CNTN5: variants seen among roughly 807,000 people sequenced by gnomAD.
The protein encoded by CNTN5 is contactin 5, also known as contactin-5.
In CNTN5, 77 loss-of-function variants were observed where a neutral mutation model predicts 129.1. The observed-to-expected ratio is 0.60, with a 90% confidence interval of 0.50 to 0.72. The LOEUF is 0.72. Among genes scored for constraint, CNTN5 ranks in the 30% least tolerant of loss-of-function variants. The probability of loss-of-function intolerance (pLI) is 0.00; values close to 1 mark genes in which losing one functional copy is unlikely to be tolerated. For synonymous variants in CNTN5, 509 were observed against 465.6 expected, an observed-to-expected ratio of 1.09 and a Z score of -1.20; for missense variants, 1,478 against 1,328.8, an observed-to-expected ratio of 1.11 and a Z score of -1.75.
chr11:100,042,116 C>T (rs1942412034), intron 9 of CNTN5, among the ~76,000 whole-genome samples: 1 of 152,136 alleles, frequency 6.6e-6, no homozygotes, highest in Admixed American at 6.6e-5. Context: ...GCACTCACTG[C>T]CCCTGAAGGT....
intron 8 of CNTN5, among the ~76,000 whole-genome samples, chr11:99,995,379 T>C (rs935802220): frequency 2.0e-5 from 3 of 152,004 alleles, no homozygotes; most frequent in Admixed American, 6.6e-5. Flanking sequence ...TTCTGTCTTA[T>C]GTGAGATTAA....
At chr11:99,248,603 A>G (rs1040681970) in intron 1 of CNTN5, among the ~76,000 whole-genome samples, 22 of 152,132 alleles carry the variant, frequency 1.4e-4, no homozygotes, top group African/African-American at 5.1e-4. Context: ...TAGGTCTAAC[A>G]TTTAAGTTTT....
In CNTN5 at chr11:99,670,044, A is replaced by G. The variant is rs907824433; in HGVS notation, c.55+113775A>G. Among the ~76,000 whole-genome samples, 3 of 151,982 alleles carry G rather than the reference A, an allele frequency of 2.0e-5. No individual in the cohort carries two copies. In the East Asian group the frequency reaches 5.8e-4, roughly 29 times the overall value. ...TATGTGCCATGTTGGTGAAAATTAG[A>G]CTCTTTAAATAGAATTTTATTAATG... On this transcript the variant is annotated intron_variant, in intron 3 of 24. Coordinates refer to ENST00000524871, the MANE Select transcript of CNTN5 (RefSeq NM_014361.4).
intron 1 of CNTN5, among the ~76,000 whole-genome samples, chr11:99,164,320 C>T (rs1336429106): frequency 2.5e-5 from 3 of 118,178 alleles, no homozygotes; most frequent in Non-Finnish European, 3.4e-5. Context: ...AACACTCCAT[C>T]TCAAAAAAAA....
chr11:99,253,470 C>A lies in CNTN5; in HGVS notation c.-209-71876C>A, dbSNP rs547778888. Among the ~76,000 whole-genome samples, 3 of 152,024 alleles carry A rather than the reference C, an allele frequency of 2.0e-5. No homozygotes were observed. In the East Asian group the frequency reaches 5.8e-4, roughly 29 times the overall value. On this transcript the variant is annotated intron_variant, in intron 1 of 24. Transcript: ENST00000524871. Reference sequence around the variant, plus strand: ...TTGTAATAAATTTGTATACCTTGTTCTTTTTTAAGAGTGTTTGACTCTTAA... The same window carrying A: ...TTGTAATAAATTTGTATACCTTGTTATTTTTTAAGAGTGTTTGACTCTTAA...
chr11:99,753,119 C>CTTTTTTTTTTT lies in CNTN5; in HGVS notation c.56-66414_56-66404dup, dbSNP rs375324214. On this transcript the variant is annotated intron_variant, in intron 3 of 24. Transcript: ENST00000524871. Reference sequence around the variant, plus strand: ...TTTATAACATTTTAAGCCATATTTGCTTTTTTTTTTTTTTTTTTTTTGAGA... The same window carrying CTTTTTTTTTTT: ...TTTATAACATTTTAAGCCATATTTGCTTTTTTTTTTTTTTTTTTTTTTTTTTTTTTTTGAGA... Among the ~76,000 whole-genome samples, 60 of 93,072 alleles carry CTTTTTTTTTTT rather than the reference C, an allele frequency of 6.4e-4. 3 individuals are homozygous for CTTTTTTTTTTT. The highest frequency in any genetic ancestry group is 3.0e-3 in the East Asian group (8 of 2,694). The allele number at this position is 93,072 out of a possible 152,430, so 61.1% of individuals were successfully genotyped here. A position where few individuals can be genotyped will look rare whatever the true frequency, so the allele number is the denominator to read the frequency against.
intron 8 of CNTN5, among the ~76,000 whole-genome samples, chr11:99,961,797 G>A (rs1950953663): frequency 6.6e-6 from 1 of 152,072 alleles, no homozygotes; most frequent in Non-Finnish European, 1.5e-5. Flanking sequence ...GCATTCGTAT[G>A]CCAGCAGCCT....
intron 3 of CNTN5, among the ~76,000 whole-genome samples, chr11:99,755,337 G>A (rs1292064147): frequency 6.6e-6 from 1 of 152,130 alleles, no homozygotes; most frequent in African/African-American, 2.4e-5. Flanking sequence ...TTGCACTCCT[G>A]TCAGCAACGA....
At chr11:100,113,733 A>G (rs1456267550) in intron 13 of CNTN5, among the ~76,000 whole-genome samples, 1 of 152,030 alleles carries the variant, frequency 6.6e-6, no homozygotes, top group Non-Finnish European at 1.5e-5. Context: ...AGTCAATACA[A>G]TTTCTTGGAA....
At chr11:100,277,924 G>A (rs976374996) in intron 18 of CNTN5, among the ~76,000 whole-genome samples, 3 of 151,934 alleles carry the variant, frequency 2.0e-5, no homozygotes, top group African/African-American at 7.2e-5. Context: ...ATGTTTTCCT[G>A]TAGTAGTTTC....
chr11:99,328,316 C>A (rs572401357), intron 2 of CNTN5, among the ~76,000 whole-genome samples: 1 of 152,202 alleles, frequency 6.6e-6, no homozygotes, highest in South Asian at 2.1e-4. Context: ...AGAGTGTCCA[C>A]AGCAATCTTT....
intron 1 of CNTN5, among the ~76,000 whole-genome samples, chr11:99,236,005 T>C (rs11218977): frequency 0.19 from 28,168 of 152,140 alleles, 2,710 homozygotes; most frequent in Non-Finnish European, 0.21. Flanking sequence ...TACTGAGAGT[T>C]AAAATGGGCA....
intron 4 of CNTN5, among the ~76,000 whole-genome samples, chr11:99,828,247 C>T (rs886072890): frequency 6.6e-6 from 1 of 152,114 alleles, no homozygotes; most frequent in Admixed American, 6.6e-5. Context: ...ATAATGGCTA[C>T]TGCTTCTTTG....
At chr11:100,074,333 T>A (rs201175093) in intron 13 of CNTN5, 39 bp downstream of exon 13, 4 of 1,511,848 alleles carry the variant, frequency 2.6e-6, no homozygotes, top group Non-Finnish European at 3.6e-6. Flanking sequence ...AACATTAGAC[T>A]TTTTTGAGGT....
intron 6 of CNTN5, among the ~76,000 whole-genome samples, chr11:99,869,154 C>T (rs1948435042): frequency 6.6e-6 from 1 of 152,116 alleles, no homozygotes; most frequent in Non-Finnish European, 1.5e-5. Flanking sequence ...AGGATCATTT[C>T]CTCCGTAGAT....
At chr11:100,136,750 G>T (rs1364462860) in intron 13 of CNTN5, among the ~76,000 whole-genome samples, 1 of 147,464 alleles carries the variant, frequency 6.8e-6, no homozygotes, top group Non-Finnish European at 1.5e-5. Context: ...CAGTTATAAA[G>T]AGAATGAAAA....
chr11:99,832,462 C>T (rs75815469), intron 4 of CNTN5, among the ~76,000 whole-genome samples: 33 of 152,234 alleles, frequency 2.2e-4, no homozygotes, highest in Admixed American at 1.4e-3. Flanking sequence ...GTGTGTACAA[C>T]GAAATGCTAC....
At chr11:99,581,567 A>G (rs1385018444) in intron 3 of CNTN5, among the ~76,000 whole-genome samples, 3 of 151,800 alleles carry the variant, frequency 2.0e-5, no homozygotes, top group Admixed American at 6.6e-5. Flanking sequence ...TGTTGAATTG[A>G]TCCCTTTACC....
chr11:99,454,770 T>C (rs1944435431), intron 2 of CNTN5, among the ~76,000 whole-genome samples: 1 of 152,196 alleles, frequency 6.6e-6, no homozygotes, highest in African/African-American at 2.4e-5. Context: ...GATAACATTA[T>C]AAATTTTTAA....
Sources: allele counts gnomAD v4.1 joint callset (sites outside exome capture counted in the v4.1 genomes callset), GRCh38; gene constraint gnomAD v4.1.1; transcripts MANE v1.5; gene names NCBI Gene and HGNC (gene_info 2026-07-23, HGNC 2026-07-21).